Variants in LBR observed in about 807,000 individuals in gnomAD.
The protein encoded by LBR is lamin B receptor, also known as delta(14)-sterol reductase LBR.
LBR carries 28 observed loss-of-function variants against 74.3 expected under a neutral mutation model. That is an observed-to-expected ratio of 0.38 (90% confidence interval 0.28 to 0.52). LBR has a LOEUF of 0.52. Among genes scored for constraint, LBR ranks in the 20% least tolerant of loss-of-function variants. The probability of loss-of-function intolerance (pLI) is 0.89; values close to 1 mark genes in which losing one functional copy is unlikely to be tolerated. For synonymous variants in LBR, 228 were observed against 269.3 expected, an observed-to-expected ratio of 0.85 and a Z score of 1.50; for missense variants, 717 against 760.3, an observed-to-expected ratio of 0.94 and a Z score of 0.67.
chr1:225,419,169 C>G, intron 5 of LBR, 94 bp downstream of exon 5: 2 of 1,195,320 alleles, frequency 1.7e-6, no homozygotes, highest in Non-Finnish European at 2.5e-6. Flanking sequence ...TTGCCTGCCT[C>G]AGATGTCTTC....
At chr1:225,410,229 ACAGGT>A in intron 10 of LBR, 57 bp downstream of exon 10, 1 of 1,609,454 alleles carries the variant, frequency 6.2e-7, no homozygotes, top group Non-Finnish European at 8.5e-7. Context: ...CGAGGCTCTG[ACAGGT>A]CACTCACCCA....
At position 225,415,261 on chromosome 1, in the gene LBR, TA is replaced by T; in HGVS notation, c.892+16del. 6 of 1,535,654 alleles carry T rather than the reference TA, an allele frequency of 3.9e-6. No individual in the cohort carries two copies. The highest frequency in any genetic ancestry group is 1.1e-5 in the South Asian group (1 of 87,498). ...GCTATCAAATCATCAATTTGAGTCTTAAAAAAAGAAAATCACCATTTAATCT... is the reference window on the plus strand; with the variant it reads ...GCTATCAAATCATCAATTTGAGTCTTAAAAAAGAAAATCACCATTTAATCT... On this transcript the variant is annotated intron_variant, in intron 7 of 13. Transcript: ENST00000272163.
intron 9 of LBR, among the ~76,000 whole-genome samples, 187 bp from the exon 10 acceptor site, chr1:225,410,603 T>C (rs1359364895): frequency 1.3e-5 from 2 of 152,200 alleles, no homozygotes; most frequent in East Asian, 3.8e-4. Flanking sequence ...AGGACACAGC[T>C]ATCATTTCTG....
chr1:225,410,374 G>T lies in LBR; in HGVS notation c.1231C>A (p.Gln411Lys). The change falls in exon 10 of 14, where the codon CAG becomes AAG. Residue 411 changes from glutamine (Q) to lysine (K), a missense_variant. Gln to Lys is a moderately conservative substitution (Grantham distance 53). Coordinates refer to ENST00000272163, the MANE Select transcript of LBR (RefSeq NM_002296.4). ...GCCAAGGATGGAACAGCGCGGTCCT[G>T]TATTTTCATTTCAGCCAAAAGCATC... ...LVMLLAEMKI[Q>K]DRAVPSLAMI... The T allele has an allele frequency of 6.2e-7, 1 of 1,614,142 alleles. No individual in the cohort carries two copies. The highest frequency in any genetic ancestry group is 8.5e-7 in the Non-Finnish European group (1 of 1,180,022).
chr1:225,414,389 T>C (rs189691989), intron 7 of LBR, among the ~76,000 whole-genome samples: 1 of 152,294 alleles, frequency 6.6e-6, no homozygotes, highest in East Asian at 1.9e-4. Flanking sequence ...CAATACATAA[T>C]GTAATTCTCA....
intron 6 of LBR, among the ~76,000 whole-genome samples, chr1:225,416,213 AAGAGAG>A (rs900533691): frequency 2.2e-5 from 3 of 137,860 alleles, no homozygotes; most frequent in African/African-American, 7.9e-5. Context: ...AAAAAAAAAA[AAGAGAG>A]AGAGAGAGAG....
chr1:225,417,461 GTTC>G (rs1403921703), intron 6 of LBR: 1 of 152,568 alleles, frequency 6.6e-6, no homozygotes, highest in Non-Finnish European at 1.5e-5. Context: ...AACGTAAAAT[GTTC>G]TTGACAACAA....
Position 225,423,937 on chromosome 1 carries a change from G to C in LBR, c.139C>G (p.Leu47Val). ...YTVKYKDGTE[L>V]ELKENDIKPL... ...TTAATATCATTCTCTTTCAATTCAA[G>C]CTCTGTTCCATCTTTATACTTCACA... Residue 47 changes from leucine to valine, a missense_variant, in exon 2 of 14, where the codon CTT (leucine) becomes GTT (valine). Coordinates refer to ENST00000272163, the MANE Select transcript of LBR (RefSeq NM_002296.4). 6.2e-7 allele frequency: 1 copy of C among 1,613,720 alleles called. No individual in the cohort carries two copies. The highest frequency in any genetic ancestry group is 2.2e-5 in the East Asian group (1 of 44,874).
Position 225,403,142 on chromosome 1 carries a change from A to G in LBR, c.*161T>C. On this transcript the variant is annotated 3_prime_UTR_variant, in exon 14 of 14. Coordinates refer to ENST00000272163, the MANE Select transcript of LBR (RefSeq NM_002296.4). ...AGTTAATACAAGTAAACACGGCTAT[A>G]TTAAAAGATCAACTACTCGGCTCCA... The G allele has an allele frequency of 1.6e-6, 1 of 641,962 alleles. No homozygotes were observed. Among genetic ancestry groups the G allele is most frequent in the Non-Finnish European group, 2.7e-6 (1 of 365,430 alleles). 39.8% of individuals were successfully genotyped at this position (641,962 alleles called of 1,614,324 possible).
intron 3 of LBR, 63 bp downstream of exon 3, chr1:225,422,014 A>G: frequency 6.8e-7 from 1 of 1,475,442 alleles, no homozygotes; most frequent in Non-Finnish European, 9.4e-7. Context: ...AACTGCAAGT[A>G]ACTTGAGTAA....
chr1:225,424,737 C>T (rs969671897), intron 1 of LBR, among the ~76,000 whole-genome samples: 22 of 152,320 alleles, frequency 1.4e-4, no homozygotes, highest in African/African-American at 5.3e-4. Flanking sequence ...CATCAACCCC[C>T]AATTATAACA....
In LBR at chr1:225,417,301, A is replaced by G. The variant is rs1191047781; in HGVS notation, c.837+683T>C. ...ACAGTTGGCAAACTTGCAAAGCCCT[A>G]AGAATAAGATCTTTAAATAAATTAT... On this transcript the variant is annotated intron_variant, in intron 6 of 13. Coordinates refer to ENST00000272163, the MANE Select transcript of LBR (RefSeq NM_002296.4). 3.9e-5 allele frequency among the ~76,000 whole-genome samples: 6 copies of G among 152,328 alleles called. No homozygotes were observed. The East Asian group carries it at 9.6e-4, about 24-fold the overall frequency.
At chr1:225,418,993 A>G (rs1177606910) in intron 5 of LBR, among the ~76,000 whole-genome samples, 2 of 152,238 alleles carry the variant, frequency 1.3e-5, no homozygotes, top group African/African-American at 4.8e-5. Flanking sequence ...ACTTCTTTGT[A>G]CTTCTGTGCT....
chr1:225,407,021 A>C (rs548834157), intron 10 of LBR, among the ~76,000 whole-genome samples, 189 bp from the exon 11 acceptor site: 1 of 152,274 alleles, frequency 6.6e-6, no homozygotes, highest in South Asian at 2.1e-4. Flanking sequence ...TTCTCCCGTC[A>C]CGCCAGCCTC....
intron 13 of LBR, 101 bp from the exon 14 acceptor site, chr1:225,403,564 T>C: frequency 1.1e-6 from 1 of 874,510 alleles, no homozygotes; most frequent in Non-Finnish European, 1.8e-6. Flanking sequence ...AACCACAAGG[T>C]ACTTCATTTT....
In LBR at chr1:225,423,995, A is replaced by G. The variant is rs770095003; in HGVS notation, c.81T>C (p.Ile27=). ...GCTGGGAGGTGCTGTCGTGGCTCAG[A>G]ATTTCTACTTCATAATAAAGTGAAC... ...PGSSLYYEVE[I]LSHDSTSQLY... is the part of the protein sequence containing the mutation. Residue 27 remains isoleucine (I), a synonymous_variant, in exon 2 of 14, where the codon ATT becomes ATC. Transcript: ENST00000272163. 2 of 1,614,058 alleles carry G rather than the reference A, an allele frequency of 1.2e-6. No individual in the cohort carries two copies. The highest frequency in any genetic ancestry group is 3.3e-5 in the Admixed American group (2 of 60,026).
At chr1:225,403,902 C>T (rs1376525387) in intron 13 of LBR, among the ~76,000 whole-genome samples, 2 of 143,194 alleles carry the variant, frequency 1.4e-5, no homozygotes, top group African/African-American at 2.6e-5. Context: ...CCAAGATCCC[C>T]CTGCTCCCCC....
At chr1:225,406,294 C>G (rs1022060142) in intron 11 of LBR, among the ~76,000 whole-genome samples, 1 of 152,302 alleles carries the variant, frequency 6.6e-6, no homozygotes, top group South Asian at 2.1e-4. Flanking sequence ...TGTCTTATTT[C>G]TCCTGTTAGA....
intron 2 of LBR, among the ~76,000 whole-genome samples, chr1:225,422,902 G>A (rs975341229): frequency 1.3e-5 from 2 of 152,198 alleles, no homozygotes; most frequent in African/African-American, 4.8e-5. Context: ...TTCCTGAAGT[G>A]TGAAAATTAT....
Sources: allele counts gnomAD v4.1 joint callset (sites outside exome capture counted in the v4.1 genomes callset), GRCh38; gene constraint gnomAD v4.1.1; transcripts MANE v1.5; gene names NCBI Gene and HGNC (gene_info 2026-07-23, HGNC 2026-07-21).